ASTN2: variants seen among roughly 807,000 people sequenced by gnomAD.
ASTN2 encodes the protein astrotactin 2.
A neutral mutation model predicts 139.8 loss-of-function variants in ASTN2; 54 were observed. The observed-to-expected ratio is 0.39, with a 90% CI of 0.31 to 0.48. ASTN2 has a LOEUF of 0.48. ASTN2 is among the 20% of genes least tolerant of loss of function. ASTN2 has a pLI of 0.95. For missense variants in ASTN2, 1,565 were observed against 1,725.1 expected, an observed-to-expected ratio of 0.91 and a Z score of 1.64; for synonymous variants, 756 against 719.5, an observed-to-expected ratio of 1.05 and a Z score of -0.81.
intron 13 of ASTN2, among the ~76,000 whole-genome samples, chr9:116,757,174 C>T (rs1194933385): frequency 6.6e-6 from 1 of 152,112 alleles, no homozygotes; most frequent in Non-Finnish European, 1.5e-5. Context: ...GTCGCCATGC[C>T]CTTGTGTTGG....
At chr9:117,038,682 G>A (rs146392530) in intron 6 of ASTN2, among the ~76,000 whole-genome samples, 1 of 152,242 alleles carries the variant, frequency 6.6e-6, no homozygotes, top group Non-Finnish European at 1.5e-5. Flanking sequence ...CACAGTTAAG[G>A]TATGCCTTCT....
At chr9:117,004,244 A>T (rs1286610460) in intron 7 of ASTN2, among the ~76,000 whole-genome samples, 1 of 151,968 alleles carries the variant, frequency 6.6e-6, no homozygotes, top group Non-Finnish European at 1.5e-5. Flanking sequence ...CTCAGCTTCT[A>T]GAGTAGCTGG....
At chr9:116,775,180 C>A (rs1229475802) in intron 13 of ASTN2, among the ~76,000 whole-genome samples, 3 of 151,852 alleles carry the variant, frequency 2.0e-5, no homozygotes, top group African/African-American at 7.3e-5. Context: ...GCTCCAGGCC[C>A]CCAGGATGGC....
rs71502074 is a variant in ASTN2 at position 116,658,733 on chromosome 9, CT to C, written c.2807-6941del. Among the ~76,000 whole-genome samples the C allele has an allele frequency of 7.0e-3, 706 of 101,018 alleles. 3 individuals are homozygous for C. The highest frequency in any genetic ancestry group is 0.017 in the African/African-American group (406 of 24,320). 66.3% of individuals were successfully genotyped at this position (101,018 alleles called of 152,430 possible). A position where few individuals can be genotyped will look rare whatever the true frequency, so the allele number is the denominator to read the frequency against. On this transcript the variant is annotated intron_variant, in intron 16 of 22. Coordinates refer to ENST00000313400, the MANE Select transcript of ASTN2 (RefSeq NM_001365068.1). ...GACCTTCCTAATCCTGACCACCGCT[CT>C]TTTTTTTTTTTTTTTTTTTTTTTTG...
chr9:116,807,522 C>T (rs1831059342), intron 12 of ASTN2, among the ~76,000 whole-genome samples: 1 of 152,190 alleles, frequency 6.6e-6, no homozygotes, highest in Admixed American at 6.5e-5. Flanking sequence ...GAAAAGGGCC[C>T]TGTCTCAGAG....
At chr9:116,802,180 G>C (rs919244320) in intron 13 of ASTN2, among the ~76,000 whole-genome samples, 12 of 146,896 alleles carry the variant, frequency 8.2e-5, no homozygotes, top group African/African-American at 3.0e-4. Flanking sequence ...TCCGCCTCCC[G>C]GGTTTACGCC....
chr9:116,897,174 A>T (rs1833899169), intron 10 of ASTN2, among the ~76,000 whole-genome samples: 1 of 152,244 alleles, frequency 6.6e-6, no homozygotes. Context: ...CTGAAGGTGC[A>T]GGTGACAGCT....
At chr9:116,854,372 A>T (rs913521541) in intron 11 of ASTN2, among the ~76,000 whole-genome samples, 1 of 152,160 alleles carries the variant, frequency 6.6e-6, no homozygotes, top group Non-Finnish European at 1.5e-5. Context: ...CATAAGTAGT[A>T]TTATCCCCAT....
Position 116,730,660 on chromosome 9 carries a change from C to G in ASTN2, c.2522-1564G>C, listed in dbSNP as rs150287004. ...AGTCTCTGCTCCTTCCATTACTGCTCATTCATGTTCAAAGCAGACTTGCTG... is the reference window on the plus strand; with the variant it reads ...AGTCTCTGCTCCTTCCATTACTGCTGATTCATGTTCAAAGCAGACTTGCTG... On this transcript the variant is annotated intron_variant, in intron 14 of 22. Coordinates refer to ENST00000313400, the MANE Select transcript of ASTN2 (RefSeq NM_001365068.1). Among the ~76,000 whole-genome samples, 417 of 152,300 alleles carry G rather than the reference C, an allele frequency of 2.7e-3. 2 individuals carry two copies. Among genetic ancestry groups the G allele is most frequent in the African/African-American group, 9.6e-3 (401 of 41,570 alleles).
At chr9:116,652,470 AC>A (rs572069127) in intron 16 of ASTN2, among the ~76,000 whole-genome samples, 132 of 152,336 alleles carry the variant, frequency 8.7e-4, no homozygotes, top group African/African-American at 3.0e-3. Context: ...TCTTCTGTCA[AC>A]CTACAAAAAG....
chr9:116,429,694 G>A (rs1463927436), intron 22 of ASTN2, among the ~76,000 whole-genome samples: 1 of 152,150 alleles, frequency 6.6e-6, no homozygotes, highest in Admixed American at 6.5e-5. Context: ...CAATGGGACA[G>A]ATATGAACTA....
chr9:116,524,731 G>C (rs572133401), intron 19 of ASTN2, among the ~76,000 whole-genome samples: 29 of 152,278 alleles, frequency 1.9e-4, no homozygotes, highest in Admixed American at 1.8e-3. Flanking sequence ...GCTGGGATGT[G>C]AGCCCCTCAC....
chr9:116,489,379 A>G, intron 19 of ASTN2, among the ~76,000 whole-genome samples: 1 of 151,834 alleles, frequency 6.6e-6, no homozygotes, highest in Admixed American at 6.6e-5. Context: ...TTCTGTTGCC[A>G]AGTCTGGAGT....
At chr9:117,313,539 G>A (rs866975679) in intron 1 of ASTN2, among the ~76,000 whole-genome samples, 2 of 152,174 alleles carry the variant, frequency 1.3e-5, no homozygotes, top group Non-Finnish European at 2.9e-5. Flanking sequence ...CTGGGCAGAT[G>A]AGGACTATGT....
intron 1 of ASTN2, among the ~76,000 whole-genome samples, chr9:117,357,044 A>G (rs1829558887): frequency 6.6e-6 from 1 of 152,152 alleles, no homozygotes; most frequent in African/African-American, 2.4e-5. Flanking sequence ...AGCCTAGGTG[A>G]CACAGCAATA....
chr9:117,294,599 C>A (rs1004510637), intron 1 of ASTN2, among the ~76,000 whole-genome samples: 1 of 152,210 alleles, frequency 6.6e-6, no homozygotes, highest in African/African-American at 2.4e-5. Flanking sequence ...GAGACATAGC[C>A]TTGCCTTCAG....
intron 20 of ASTN2, among the ~76,000 whole-genome samples, chr9:116,469,406 C>T (rs1848745053): frequency 6.6e-6 from 1 of 152,064 alleles, no homozygotes; most frequent in South Asian, 2.1e-4. Context: ...CAACTGGCTC[C>T]TCCCAGCAGA....
At chr9:116,580,685 G>GT (rs142133369) in intron 19 of ASTN2, among the ~76,000 whole-genome samples, 6 of 152,074 alleles carry the variant, frequency 3.9e-5, no homozygotes, top group East Asian at 1.9e-4. Context: ...CACTTAATGG[G>GT]TTTTTTTGGC....
At chr9:116,710,927 A>C (rs544634164) in intron 16 of ASTN2, among the ~76,000 whole-genome samples, 39 of 152,164 alleles carry the variant, frequency 2.6e-4, no homozygotes, top group Non-Finnish European at 4.6e-4. Context: ...ATTCTGTAAA[A>C]GTGTAAGAAA....
Sources: gnomAD v4.1 joint callset for allele counts (sites outside exome capture counted in the v4.1 genomes callset) on GRCh38, gnomAD v4.1.1 for gene constraint, MANE v1.5 for transcripts, NCBI Gene and HGNC (gene_info 2026-07-23, HGNC 2026-07-21) for gene names.